PIK3C2G: variants seen among roughly 807,000 people sequenced by gnomAD.
PIK3C2G encodes phosphatidylinositol 3-kinase C2 domain-containing subunit gamma.
PIK3C2G carries 168 observed loss-of-function variants against 181.1 expected under a neutral mutation model. That is an observed-to-expected ratio of 0.93 (90% CI 0.82 to 1.05). PIK3C2G has a LOEUF of 1.05. Ranked by LOEUF, PIK3C2G falls within the 50% of genes least tolerant of loss-of-function variation. The pLI is 0.00. For synonymous variants in PIK3C2G, 573 were observed against 592.2 expected (o/e 0.97, Z 0.47); for missense variants, 1,869 against 1,732.8 (o/e 1.08, Z -1.40).
At chr12:18,268,513 T>G (rs1037703412) in intron 1 of PIK3C2G, among the ~76,000 whole-genome samples, 2 of 152,152 alleles carry the variant, frequency 1.3e-5, no homozygotes, top group South Asian at 2.1e-4. Flanking sequence ...TTTACAAAGT[T>G]TTCTGAATTT....
intron 24 of PIK3C2G, among the ~76,000 whole-genome samples, chr12:18,515,645 T>A (rs374719885): frequency 2.0e-5 from 3 of 152,112 alleles, no homozygotes; most frequent in South Asian, 2.1e-4. Flanking sequence ...GAATTTTATT[T>A]ATTTATTTTT....
intron 11 of PIK3C2G, among the ~76,000 whole-genome samples, chr12:18,348,229 G>T (rs1375141461): frequency 5.9e-5 from 9 of 151,796 alleles, no homozygotes; most frequent in Admixed American, 5.9e-4. Context: ...ATATACATAT[G>T]TGTGTAAATG....
At chr12:18,716,863 C>T in the PIK3C2G span, among the ~76,000 whole-genome samples, 1 of 152,036 alleles carries the variant, frequency 6.6e-6, no homozygotes, top group African/African-American at 2.4e-5. Flanking sequence ...ATTTAAGAAT[C>T]TTTTGGTACA....
At chr12:18,725,362 C>T in the PIK3C2G span, among the ~76,000 whole-genome samples, 1 of 152,072 alleles carries the variant, frequency 6.6e-6, no homozygotes, top group Admixed American at 6.6e-5. Flanking sequence ...AGACTGCCAA[C>T]GTGCTAGACT....
At chr12:18,583,728 A>G (rs1189909892) in intron 29 of PIK3C2G, among the ~76,000 whole-genome samples, 1 of 152,084 alleles carries the variant, frequency 6.6e-6, no homozygotes, top group East Asian at 1.9e-4. Context: ...CACTTTAATC[A>G]GAGGCAGCCC....
At chr12:18,659,800 A>G in the PIK3C2G span, among the ~76,000 whole-genome samples, 1 of 151,704 alleles carries the variant, frequency 6.6e-6, no homozygotes, top group Admixed American at 6.6e-5. Flanking sequence ...CATTATGTAT[A>G]TCACCTAATG....
At chr12:18,448,131 C>CA (rs1947131606) in intron 18 of PIK3C2G, among the ~76,000 whole-genome samples, 1 of 151,988 alleles carries the variant, frequency 6.6e-6, no homozygotes, top group Non-Finnish European at 1.5e-5. Flanking sequence ...ATTGTTAGAG[C>CA]AAAAAGTGCT....
intron 24 of PIK3C2G, among the ~76,000 whole-genome samples, chr12:18,511,360 G>A (rs1260013032): frequency 6.6e-6 from 1 of 152,054 alleles, no homozygotes; most frequent in African/African-American, 2.4e-5. Context: ...AGATTATTCG[G>A]TCATACGGTA....
intron 11 of PIK3C2G, among the ~76,000 whole-genome samples, chr12:18,359,170 C>T (rs917630866): frequency 6.6e-5 from 10 of 152,178 alleles, no homozygotes; most frequent in Non-Finnish European, 1.3e-4. Context: ...TGTAATTGCC[C>T]TTTTGATTTC....
At chr12:18,280,067 G>A (rs1348460348) in intron 1 of PIK3C2G, among the ~76,000 whole-genome samples, 1 of 151,956 alleles carries the variant, frequency 6.6e-6, no homozygotes, top group Non-Finnish European at 1.5e-5. Context: ...AATTGTTTTT[G>A]TCTTTACCAC....
At position 18,524,434 on chromosome 12, in the gene PIK3C2G, G is replaced by A. The variant is rs561574970; in HGVS notation, c.3324-13722G>A. ...GTTGCTAATTGAATTTCTGGGTATG[G>A]GGGTAGTGAGGCCACAGAAATCTTT... On this transcript the variant is annotated intron_variant, in intron 24 of 32. Transcript: ENST00000538779. Among the ~76,000 whole-genome samples, 5 of 152,274 alleles carry A rather than the reference G, an allele frequency of 3.3e-5. No homozygotes were observed. In the South Asian group the frequency reaches 1.0e-3, roughly 32 times the overall value.
intron 18 of PIK3C2G, among the ~76,000 whole-genome samples, chr12:18,432,370 T>C (rs1946209810): frequency 6.6e-6 from 1 of 152,156 alleles, no homozygotes. Flanking sequence ...TGTTGAAACT[T>C]GGACCCACCC....
At chr12:18,711,798 T>G in the PIK3C2G span, among the ~76,000 whole-genome samples, 4 of 151,932 alleles carry the variant, frequency 2.6e-5, no homozygotes, top group African/African-American at 9.7e-5. Flanking sequence ...AGTTGTGTAC[T>G]TTGGTGTGAG....
rs1017583848 is a variant in PIK3C2G at position 18,571,567 on chromosome 12, C to G, written c.4011+4510C>G. Reference sequence around the variant, plus strand: ...ACATGGAGAATTGTTATATTTTTCCCATTATATTGAAATTTTCACTAACGT... The same window carrying G: ...ACATGGAGAATTGTTATATTTTTCCGATTATATTGAAATTTTCACTAACGT... On this transcript the variant is annotated intron_variant, in intron 29 of 32. Transcript: ENST00000538779. 4.6e-5 allele frequency among the ~76,000 whole-genome samples: 7 copies of G among 150,656 alleles called. 1 individual carries two copies. Among genetic ancestry groups the G allele is most frequent in the Non-Finnish European group, 8.8e-5 (6 of 67,876 alleles).
intron 12 of PIK3C2G, among the ~76,000 whole-genome samples, chr12:18,366,308 G>A (rs1212521707): frequency 6.6e-6 from 1 of 152,070 alleles, no homozygotes. Context: ...TTTGGGAGGT[G>A]GATCATTTGA....
chr12:18,599,285 T>G (rs1049977789), intron 30 of PIK3C2G, among the ~76,000 whole-genome samples: 4 of 152,124 alleles, frequency 2.6e-5, no homozygotes, highest in African/African-American at 9.7e-5. Flanking sequence ...TAAGAAAATG[T>G]GGCACATATA....
intron 5 of PIK3C2G, among the ~76,000 whole-genome samples, chr12:18,308,223 A>G (rs1397878149): frequency 1.3e-5 from 2 of 151,856 alleles, no homozygotes; most frequent in Non-Finnish European, 3.0e-5. Context: ...AGAAACTCTA[A>G]CGTCCTTTAA....
At chr12:18,379,483 T>C (rs1942689358) in intron 13 of PIK3C2G, among the ~76,000 whole-genome samples, 1 of 152,168 alleles carries the variant, frequency 6.6e-6, no homozygotes. Flanking sequence ...CTGCACGTTG[T>C]GCACAGGTAC....
intron 31 of PIK3C2G, among the ~76,000 whole-genome samples, chr12:18,625,531 C>A (rs193276862): frequency 4.6e-5 from 7 of 151,800 alleles, no homozygotes; most frequent in East Asian, 3.9e-4. Context: ...ACATCCATTG[C>A]GTCCTTTTGG....
Sources: allele counts gnomAD v4.1 joint callset (sites outside exome capture counted in the v4.1 genomes callset), GRCh38; gene constraint gnomAD v4.1.1; transcripts MANE v1.5; gene names NCBI Gene and HGNC (gene_info 2026-07-23, HGNC 2026-07-21).